Variants in IGSF10 observed in about 807,000 individuals in gnomAD.
The protein encoded by IGSF10 is calvaria mechanical force protein 608.
IGSF10 carries 126 observed loss-of-function variants against 128.2 expected under a neutral mutation model. That is an observed-to-expected ratio of 0.98 (90% CI 0.85 to 1.14). The LOEUF is 1.14. IGSF10 is among the 50% of genes most tolerant of loss of function. IGSF10 has a pLI of 0.00. For missense variants in IGSF10, 3,295 were observed against 3,149.8 expected (o/e 1.05, Z -1.10); for synonymous variants, 1,185 against 1,146.2 (o/e 1.03, Z -0.68).
At chr3:151,526,486 G>T in the IGSF10 span, among the ~76,000 whole-genome samples, 42 of 151,872 alleles carry the variant, frequency 2.8e-4, no homozygotes, top group African/African-American at 9.2e-4. Context: ...TTTTAAACTG[G>T]GAAGTCTCTT....
rs779565299 is a variant in IGSF10, at chr3:151,437,937, A to G, written c.6624T>C (p.Ser2208=). The change falls in exon 8 of 8, where the codon TCT becomes TCC. Residue 2208 remains serine, a synonymous_variant. Coordinates refer to ENST00000282466, the MANE Select transcript of IGSF10 (RefSeq NM_178822.5). Reference sequence around the variant, plus strand: ...TTCGGGCTACACATACGTACTCTCCAGAATCGAGCAGTTTCACTTTGTTGA... The same window carrying G: ...TTCGGGCTACACATACGTACTCTCCGGAATCGAGCAGTTTCACTTTGTTGA... ...LTINKVKLLD[S]GEYVCVARNP... 2.5e-6 allele frequency: 4 copies of G among 1,614,248 alleles called. No individual in the cohort carries two copies. The East Asian group carries it at 8.9e-5, about 36-fold the overall frequency.
the IGSF10 span, among the ~76,000 whole-genome samples, chr3:151,510,611 G>A: frequency 7.9e-5 from 12 of 152,338 alleles, no homozygotes; most frequent in African/African-American, 1.4e-4. Flanking sequence ...AAAGCTGGAC[G>A]GAGAATGACT....
upstream of IGSF10, chr3:151,461,300 C>G (rs1034284652): frequency 1.2e-5 from 12 of 985,222 alleles, no homozygotes; most frequent in Non-Finnish European, 1.4e-5. Flanking sequence ...TCCTCCTTGA[C>G]CTCTTCCACC....
chr3:151,561,379 T>A, the IGSF10 span, among the ~76,000 whole-genome samples: 3 of 152,284 alleles, frequency 2.0e-5, no homozygotes, highest in South Asian at 6.2e-4. Context: ...TATTTCCTCT[T>A]TTTAATCTCT....
chr3:151,557,193 A>T, the IGSF10 span, among the ~76,000 whole-genome samples: 3 of 152,300 alleles, frequency 2.0e-5, no homozygotes, highest in East Asian at 5.8e-4. Context: ...AGTCACACAA[A>T]ATATGTGACT....
rs772064687 is a variant in IGSF10, at chr3:151,437,159, T to C, written c.7402A>G (p.Met2468Val). ...CTGTCTACTACATAACCACTTGGCA[T>C]AGTCCATTTGATATTTGGCTTAGGG... is the stretch of plus-strand genomic sequence containing the variant. ...GIPKPNIKWT[M>V]PSGYVVDRPQ... Residue 2468 changes from methionine to valine, a missense_variant, in exon 8 of 8, where the codon ATG becomes GTG. Transcript: ENST00000282466. 2 of 1,614,182 alleles carry C rather than the reference T, an allele frequency of 1.2e-6. No homozygotes were observed. The highest frequency in any genetic ancestry group is 2.2e-5 in the East Asian group (1 of 44,888).
At chr3:151,581,480 A>G in the IGSF10 span, among the ~76,000 whole-genome samples, 3 of 152,300 alleles carry the variant, frequency 2.0e-5, no homozygotes, top group East Asian at 5.8e-4. Flanking sequence ...TGGTACCTCA[A>G]ACAAAAATGA....
At chr3:151,513,348 T>C in the IGSF10 span, among the ~76,000 whole-genome samples, 1 of 151,862 alleles carries the variant, frequency 6.6e-6, no homozygotes, top group Non-Finnish European at 1.5e-5. Flanking sequence ...ATCCAGCATA[T>C]AAACAGAACA....
the IGSF10 span, among the ~76,000 whole-genome samples, chr3:151,472,567 G>T: frequency 6.6e-6 from 1 of 152,050 alleles, no homozygotes; most frequent in Non-Finnish European, 1.5e-5. Context: ...AATCAATTGG[G>T]TTGCCTTGGC....
chr3:151,585,130 A>T, the IGSF10 span, among the ~76,000 whole-genome samples: 2 of 152,198 alleles, frequency 1.3e-5, no homozygotes, highest in African/African-American at 4.8e-5. Context: ...AGCACTTGTA[A>T]TATGGCTGGT....
the IGSF10 span, among the ~76,000 whole-genome samples, chr3:151,476,561 TCTG>T: frequency 1.3e-5 from 2 of 152,310 alleles, no homozygotes; most frequent in East Asian, 3.9e-4. Context: ...TCTTCCTGCT[TCTG>T]CTATCTTGCT....
chr3:151,560,530 T>TAAG, the IGSF10 span, among the ~76,000 whole-genome samples: 1 of 152,092 alleles, frequency 6.6e-6, no homozygotes, highest in African/African-American at 2.4e-5. Flanking sequence ...CCAAAGAACC[T>TAAG]AAGAAGGTAG....
At chr3:151,497,523 C>T in the IGSF10 span, among the ~76,000 whole-genome samples, 2 of 152,164 alleles carry the variant, frequency 1.3e-5, no homozygotes, top group East Asian at 3.9e-4. Context: ...CTGTTCTGTT[C>T]CATTGGTTTA....
At chr3:151,444,713 G>A (rs1721080058) in intron 6 of IGSF10, among the ~76,000 whole-genome samples, 1 of 152,104 alleles carries the variant, frequency 6.6e-6, no homozygotes, top group Non-Finnish European at 1.5e-5. Flanking sequence ...AGCTTTTGAG[G>A]CATTCCAAAA....
the IGSF10 span, among the ~76,000 whole-genome samples, chr3:151,619,919 G>A: frequency 8.5e-5 from 13 of 152,156 alleles, no homozygotes; most frequent in Non-Finnish European, 1.3e-4. Flanking sequence ...GGGATGCATT[G>A]TGCCATCTCA....
rs758657192 is a variant in IGSF10 at position 151,436,664 on chromosome 3, ATGT to A, written c.*22_*24del. The A allele has an allele frequency of 1.8e-5, 27 of 1,499,534 alleles. No homozygotes were observed. Among genetic ancestry groups the A allele is most frequent in the East Asian group, 6.8e-5 (3 of 44,228 alleles). 92.9% of individuals were successfully genotyped at this position (1,499,534 alleles called of 1,614,324 possible). The stretch of plus-strand genomic sequence containing the variant: ...CTTCCAAAAAATAAATTCTGCCCAG[ATGT>A]TGTTGACTTTATTATTTCATGTCAG... On this transcript the variant is annotated 3_prime_UTR_variant, in exon 8 of 8. Coordinates refer to ENST00000282466, the MANE Select transcript of IGSF10 (RefSeq NM_178822.5).
At chr3:151,488,200 A>G in the IGSF10 span, among the ~76,000 whole-genome samples, 2,307 of 152,274 alleles carry the variant, frequency 0.015, 21 homozygotes, top group Middle Eastern at 0.027. Context: ...GAGCCAAATC[A>G]TGAGTGAACT....
the IGSF10 span, among the ~76,000 whole-genome samples, chr3:151,519,125 T>C: frequency 6.6e-6 from 1 of 151,858 alleles, no homozygotes; most frequent in Non-Finnish European, 1.5e-5. Flanking sequence ...ATTGCTACAA[T>C]AATATTGTAA....
At chr3:151,523,185 ACACATCT>A in the IGSF10 span, among the ~76,000 whole-genome samples, 1 of 152,172 alleles carries the variant, frequency 6.6e-6, no homozygotes, top group Non-Finnish European at 1.5e-5. Flanking sequence ...ACTAATGGAA[ACACATCT>A]CATGCTCATG....
Sources: gnomAD v4.1 joint callset for allele counts (sites outside exome capture counted in the v4.1 genomes callset) on GRCh38, gnomAD v4.1.1 for gene constraint, MANE v1.5 for transcripts, NCBI Gene and HGNC (gene_info 2026-07-23, HGNC 2026-07-21) for gene names.